The following RBFOX1 variants were observed in gnomAD, a reference collection of about 807,000 sequenced individuals.
RBFOX1 encodes the protein RNA binding fox-1 homolog 1.
Under a neutral mutation model 57.7 loss-of-function variants are expected in RBFOX1, and 8 were observed. The ratio of observed to expected loss-of-function variants is 0.14; its 90% CI spans 0.08 to 0.25. The LOEUF is 0.25. RBFOX1 is among the 10% of genes least tolerant of loss of function. RBFOX1 has a pLI of 1.00. For missense variants in RBFOX1, 611 were observed against 548.5 expected, an observed-to-expected ratio of 1.11 and a Z score of -1.14; for synonymous variants, 326 against 222.4, an observed-to-expected ratio of 1.47 and a Z score of -4.15.
At chr16:6,546,830 G>C (rs966348155) in intron 2 of RBFOX1, among the ~76,000 whole-genome samples, 2 of 152,204 alleles carry the variant, frequency 1.3e-5, no homozygotes, top group Non-Finnish European at 2.9e-5. Flanking sequence ...TAGGACCAAA[G>C]ATTCTGAGCT....
chr16:7,641,569 CAGAA>C (rs1328219827), intron 11 of RBFOX1, among the ~76,000 whole-genome samples: 3 of 152,198 alleles, frequency 2.0e-5, no homozygotes, highest in Non-Finnish European at 4.4e-5. Context: ...TGAAAGCAAA[CAGAA>C]AGGCACAACC....
intron 3 of RBFOX1, among the ~76,000 whole-genome samples, chr16:5,791,141 T>C (rs550995262): frequency 6.6e-6 from 1 of 152,240 alleles, no homozygotes; most frequent in East Asian, 1.9e-4. Flanking sequence ...GTGCTGGGAT[T>C]ACAGGCGTGA....
chr16:7,473,722 T>C (rs116874925), intron 4 of RBFOX1, among the ~76,000 whole-genome samples: 1,783 of 152,132 alleles, frequency 0.012, 11 homozygotes, highest in Middle Eastern at 0.027. Context: ...TTTCTTCTGA[T>C]TTACTAGTAT....
At chr16:6,949,227 C>A (rs922232381) in intron 3 of RBFOX1, among the ~76,000 whole-genome samples, 2 of 151,938 alleles carry the variant, frequency 1.3e-5, no homozygotes, top group African/African-American at 4.8e-5. Context: ...TAGAAACAAG[C>A]CTATAAAAAG....
chr16:7,452,024 C>T (rs1300415645), intron 4 of RBFOX1, among the ~76,000 whole-genome samples: 2 of 152,144 alleles, frequency 1.3e-5, no homozygotes, highest in Admixed American at 1.3e-4. Context: ...GATTCTTATT[C>T]CATGACCAAA....
rs573959401 is a variant in RBFOX1 at position 7,055,629 on chromosome 16, A to T, written c.27+3531A>T. ...CACTGCAGTCGTTTTCTTAGATGTC[A>T]TTGGCCAATCTCTACATCAATCACT... On this transcript the variant is annotated intron_variant, in intron 4 of 15. Coordinates refer to ENST00000550418, the MANE Select transcript of RBFOX1 (RefSeq NM_018723.4). Among the ~76,000 whole-genome samples the T allele has an allele frequency of 3.3e-5, 5 of 152,296 alleles. No homozygotes were observed. In the South Asian group the frequency reaches 1.0e-3, roughly 32 times the overall value.
chr16:5,690,268 A>G (rs1204807033), intron 3 of RBFOX1, among the ~76,000 whole-genome samples: 1 of 152,220 alleles, frequency 6.6e-6, no homozygotes, highest in Non-Finnish European at 1.5e-5. Flanking sequence ...CAGTGTCATC[A>G]ATGCCAACAA....
chr16:7,383,194 C>G (rs2097811308), intron 4 of RBFOX1, among the ~76,000 whole-genome samples: 1 of 151,744 alleles, frequency 6.6e-6, no homozygotes, highest in African/African-American at 2.4e-5. Flanking sequence ...GTGCTTATTT[C>G]TCATGGCATG....
At chr16:5,892,062 C>G (rs763892750) in intron 4 of RBFOX1, among the ~76,000 whole-genome samples, 3 of 152,178 alleles carry the variant, frequency 2.0e-5, no homozygotes, top group Non-Finnish European at 4.4e-5. Context: ...TCCCGTTAGG[C>G]ACATCAGTGA....
At chr16:6,502,109 A>C (rs531757734) in intron 2 of RBFOX1, among the ~76,000 whole-genome samples, 1 of 152,192 alleles carries the variant, frequency 6.6e-6, no homozygotes, top group East Asian at 1.9e-4. Flanking sequence ...ATATTACCCA[A>C]CTGGAACCAA....
chr16:5,927,921 G>T (rs114950234), intron 4 of RBFOX1, among the ~76,000 whole-genome samples: 81 of 152,238 alleles, frequency 5.3e-4, no homozygotes, highest in African/African-American at 1.9e-3. Context: ...ACAGAGAGTA[G>T]AATGGTGGTT....
At chr16:5,528,610 T>G (rs902621800) in intron 2 of RBFOX1, among the ~76,000 whole-genome samples, 12 of 149,382 alleles carry the variant, frequency 8.0e-5, no homozygotes, top group Middle Eastern at 3.4e-3. Context: ...CTCTCTCTCT[T>G]TATCTTTCCT....
chr16:5,681,389 CTTTT>C (rs1003773008), intron 3 of RBFOX1, among the ~76,000 whole-genome samples: 2 of 126,520 alleles, frequency 1.6e-5, no homozygotes, highest in Non-Finnish European at 3.4e-5. Context: ...CAGCTTTTTT[CTTTT>C]TTTTTTTTTT....
At chr16:7,543,661 C>T (rs2083565239) in intron 5 of RBFOX1, among the ~76,000 whole-genome samples, 1 of 143,360 alleles carries the variant, frequency 7.0e-6, no homozygotes, top group African/African-American at 2.6e-5. Flanking sequence ...CCATGCTGGG[C>T]AGTATCTGTG....
chr16:5,998,941 C>A (rs1439083730), intron 4 of RBFOX1, among the ~76,000 whole-genome samples: 1 of 152,092 alleles, frequency 6.6e-6, no homozygotes, highest in Admixed American at 6.5e-5. Context: ...CCCTATGGAA[C>A]ATACTGGACT....
chr16:5,824,158 A>T (rs1030538392), intron 3 of RBFOX1, among the ~76,000 whole-genome samples: 1 of 152,230 alleles, frequency 6.6e-6, no homozygotes, highest in Admixed American at 6.5e-5. Context: ...AGGACTAAGA[A>T]GCCAAGGATC....
intron 14 of RBFOX1, among the ~76,000 whole-genome samples, chr16:7,681,254 T>G (rs2074660227): frequency 6.6e-6 from 1 of 152,100 alleles, no homozygotes; most frequent in African/African-American, 2.4e-5. Flanking sequence ...TAGATGGAGA[T>G]AAATCGATAC....
chr16:7,596,366 A>AT (rs1010538926), intron 8 of RBFOX1, among the ~76,000 whole-genome samples: 1,524 of 149,014 alleles, frequency 0.01, 27 homozygotes, highest in African/African-American at 0.035. Context: ...ATATTTGTTA[A>AT]TTTTTTTTTT....
chr16:7,042,034 T>C lies in RBFOX1; in HGVS notation c.-15-10023T>C, dbSNP rs74839292. On this transcript the variant is annotated intron_variant, in intron 3 of 15. Transcript: ENST00000550418. ...CTGATTCCTTAACCTCCAGTCTCCATTGGGGAGAAAACTGGATCTACAGAA... is the reference window on the plus strand; with the variant it reads ...CTGATTCCTTAACCTCCAGTCTCCACTGGGGAGAAAACTGGATCTACAGAA... Among the ~76,000 whole-genome samples, 1,076 of 152,258 alleles carry C rather than the reference T, an allele frequency of 7.1e-3. 11 individuals are homozygous for C. The highest frequency in any genetic ancestry group is 0.024 in the African/African-American group (1,000 of 41,548).
Sources: allele counts gnomAD v4.1 joint callset (sites outside exome capture counted in the v4.1 genomes callset), GRCh38; gene constraint gnomAD v4.1.1; transcripts MANE v1.5; gene names NCBI Gene and HGNC (gene_info 2026-07-23, HGNC 2026-07-21).